The following CTNNA2 variants were observed in gnomAD, a reference collection of about 807,000 sequenced individuals.
CTNNA2 encodes the protein catenin alpha 2.
Under a neutral mutation model 101.0 loss-of-function variants are expected in CTNNA2, and 42 were observed. The ratio of observed to expected loss-of-function variants is 0.42; its 90% CI spans 0.32 to 0.54. The LOEUF (loss-of-function observed/expected upper bound fraction) is 0.54, where lower values mean the gene tolerates loss of function less well. Among genes scored for constraint, CTNNA2 ranks in the 20% least tolerant of loss-of-function variants. The pLI is 0.14. For missense variants in CTNNA2, 871 were observed against 1,223.1 expected (o/e 0.71, Z 4.29); for synonymous variants, 450 against 456.4 (o/e 0.99, Z 0.18).
chr2:79,670,651 CAT>C (rs1271234325), intron 2 of CTNNA2, among the ~76,000 whole-genome samples: 6 of 152,132 alleles, frequency 3.9e-5, no homozygotes, highest in African/African-American at 1.2e-4. Context: ...TCTATATCTC[CAT>C]AATTTTAATT....
chr2:80,549,134 A>AT (rs1362703980), intron 11 of CTNNA2, among the ~76,000 whole-genome samples: 4 of 152,222 alleles, frequency 2.6e-5, no homozygotes, highest in Non-Finnish European at 4.4e-5. Flanking sequence ...AAAAAGTGAA[A>AT]TGACTGTGTG....
chr2:80,606,668 ACTGCTT>A (rs1698057751), intron 16 of CTNNA2, among the ~76,000 whole-genome samples: 2 of 151,888 alleles, frequency 1.3e-5, no homozygotes, highest in African/African-American at 4.8e-5. Flanking sequence ...GTGTATTTTA[ACTGCTT>A]TGGTTTAAAT....
chr2:79,815,044 T>G (rs1677376084), intron 3 of CTNNA2, among the ~76,000 whole-genome samples: 1 of 152,206 alleles, frequency 6.6e-6, no homozygotes, highest in South Asian at 2.1e-4. Flanking sequence ...GAGCATTTTT[T>G]CACATGTTGG....
At chr2:79,935,507 A>C (rs2104437804) in intron 7 of CTNNA2, among the ~76,000 whole-genome samples, 1 of 152,300 alleles carries the variant, frequency 6.6e-6, no homozygotes, top group East Asian at 1.9e-4. Context: ...GCAGCCTCAC[A>C]AAGAGAGGCT....
chr2:80,113,039 A>C (rs1701315094), intron 7 of CTNNA2, among the ~76,000 whole-genome samples: 1 of 152,132 alleles, frequency 6.6e-6, no homozygotes, highest in Non-Finnish European at 1.5e-5. Flanking sequence ...TGTGGCTGTC[A>C]TGCCCCAGTG....
At chr2:79,554,136 G>A (rs904896437) in intron 1 of CTNNA2, among the ~76,000 whole-genome samples, 4 of 152,086 alleles carry the variant, frequency 2.6e-5, no homozygotes, top group African/African-American at 4.8e-5. Flanking sequence ...TAGCCAAGGT[G>A]GATGGAGAAT....
intron 7 of CTNNA2, among the ~76,000 whole-genome samples, chr2:80,180,992 A>G (rs1263491222): frequency 6.6e-6 from 1 of 152,166 alleles, no homozygotes; most frequent in Non-Finnish European, 1.5e-5. Context: ...TCCTTCCATC[A>G]TTATCCCATA....
At chr2:79,870,003 G>T (rs1257389785) in intron 5 of CTNNA2, 68 bp downstream of exon 5, 6 of 1,563,342 alleles carry the variant, frequency 3.8e-6, no homozygotes, top group Non-Finnish European at 5.2e-6. Flanking sequence ...AGCTTTTTAG[G>T]CCTGAACAAT....
chr2:80,035,504 C>G (rs759164264), intron 7 of CTNNA2, among the ~76,000 whole-genome samples: 19 of 152,286 alleles, frequency 1.2e-4, no homozygotes, highest in Non-Finnish European at 2.2e-4. Flanking sequence ...ACTAATCTGA[C>G]AGCCTAGCAC....
intron 7 of CTNNA2, among the ~76,000 whole-genome samples, chr2:80,336,399 C>G (rs975596473): frequency 6.6e-6 from 1 of 152,072 alleles, no homozygotes; most frequent in Non-Finnish European, 1.5e-5. Flanking sequence ...ATTATAGCAA[C>G]CCGCCCCCTC....
chr2:79,981,104 G>A (rs1011618110), intron 7 of CTNNA2, among the ~76,000 whole-genome samples: 1 of 151,978 alleles, frequency 6.6e-6, no homozygotes, highest in African/African-American at 2.4e-5. Flanking sequence ...TGATACATTC[G>A]CTTCTGTCCT....
intron 7 of CTNNA2, among the ~76,000 whole-genome samples, chr2:79,928,004 C>T (rs765304917): frequency 1.3e-5 from 2 of 152,008 alleles, no homozygotes; most frequent in Non-Finnish European, 2.9e-5. Flanking sequence ...AAAATTATTT[C>T]TTTGTGGGAA....
At chr2:79,371,446 G>A (rs1336033378) in intron 3 of CTNNA2, among the ~76,000 whole-genome samples, 1 of 152,040 alleles carries the variant, frequency 6.6e-6, no homozygotes, top group Non-Finnish European at 1.5e-5. Flanking sequence ...TGGAAAGTCG[G>A]AGTGGGAAAC....
intron 1 of CTNNA2, among the ~76,000 whole-genome samples, chr2:79,648,783 G>T (rs542670290): frequency 1.3e-5 from 2 of 152,286 alleles, no homozygotes; most frequent in South Asian, 4.2e-4. Flanking sequence ...ACTAAATGGT[G>T]AAAAGATTAT....
At chr2:80,620,592 C>A (rs1012203534) in intron 18 of CTNNA2, among the ~76,000 whole-genome samples, 1 of 151,812 alleles carries the variant, frequency 6.6e-6, no homozygotes, top group African/African-American at 2.4e-5. Context: ...GATGACAGTC[C>A]CCTGCAGGCA....
At chr2:79,405,919 G>A (rs1678336134) in intron 4 of CTNNA2, among the ~76,000 whole-genome samples, 1 of 151,946 alleles carries the variant, frequency 6.6e-6, no homozygotes, top group Admixed American at 6.6e-5. Context: ...ATCTGTCTTT[G>A]GCAGCCAGGA....
intron 7 of CTNNA2, among the ~76,000 whole-genome samples, chr2:79,915,306 AACACACACACACAC>A (rs10547196): frequency 1.3e-5 from 2 of 149,324 alleles, no homozygotes; most frequent in Non-Finnish European, 3.0e-5. Context: ...CACACACACA[AACACACACACACAC>A]ACACACACAC....
At chr2:80,591,478 TGCAAACAGACAGC>T (rs1696504585) in intron 15 of CTNNA2, among the ~76,000 whole-genome samples, 2 of 135,042 alleles carry the variant, frequency 1.5e-5, no homozygotes, top group African/African-American at 3.0e-5. Context: ...TTTTTTTTTT[TGCAAACAGACAGC>T]TGACTAGTGC....
chr2:80,125,670 C>T (rs960375454), intron 7 of CTNNA2, among the ~76,000 whole-genome samples: 1 of 152,146 alleles, frequency 6.6e-6, no homozygotes, highest in Non-Finnish European at 1.5e-5. Context: ...TGGCTTTAAT[C>T]AATTGGAGTT....
Sources: allele counts gnomAD v4.1 joint callset (sites outside exome capture counted in the v4.1 genomes callset), GRCh38; gene constraint gnomAD v4.1.1; transcripts MANE v1.5; gene names NCBI Gene and HGNC (gene_info 2026-07-23, HGNC 2026-07-21).